HCRTR2: variants seen among roughly 807,000 people sequenced by gnomAD.
HCRTR2 encodes the protein orexin receptor type 2.
Under a neutral mutation model 49.0 loss-of-function variants are expected in HCRTR2, and 22 were observed. The ratio of observed to expected loss-of-function variants is 0.45; its 90% confidence interval spans 0.32 to 0.64. The LOEUF (loss-of-function observed/expected upper bound fraction) is 0.64. Ranked by LOEUF, HCRTR2 falls within the 30% of genes least tolerant of loss-of-function variation. The pLI, the probability that HCRTR2 is intolerant of heterozygous loss-of-function variation, is 0.04. For synonymous variants in HCRTR2, 236 were observed against 205.3 expected (o/e 1.15, Z -1.28); for missense variants, 491 against 559.4 (o/e 0.88, Z 1.23).
At chr6:55,178,478 ACCCTC>A (rs1765078131) in intron 1 of HCRTR2, among the ~76,000 whole-genome samples, 1 of 152,174 alleles carries the variant, frequency 6.6e-6, no homozygotes, top group Non-Finnish European at 1.5e-5. Context: ...ATGTACGTAT[ACCCTC>A]TATAAAGACA....
intron 1 of HCRTR2, among the ~76,000 whole-genome samples, chr6:55,129,713 T>A (rs1375299462): frequency 1.3e-5 from 2 of 152,050 alleles, no homozygotes; most frequent in Non-Finnish European, 2.9e-5. Context: ...GTTCTCCTGA[T>A]GCCAGTCTTG....
At chr6:55,138,044 T>G (rs954868463) in intron 1 of HCRTR2, among the ~76,000 whole-genome samples, 4 of 152,184 alleles carry the variant, frequency 2.6e-5, no homozygotes, top group African/African-American at 9.6e-5. Context: ...CTGCATTTAA[T>G]GTGCCAGCAG....
At chr6:55,238,039 C>T (rs9382469) in intron 1 of HCRTR2, among the ~76,000 whole-genome samples, 26,225 of 151,954 alleles carry the variant, frequency 0.17, 2,723 homozygotes, top group Non-Finnish European at 0.24. Context: ...GAAATTATAT[C>T]CCCTGGAGTA....
At chr6:55,172,208 T>A (rs1445725198), upstream of HCRTR2, among the ~76,000 whole-genome samples, 2 of 152,202 alleles carry the variant, frequency 1.3e-5, no homozygotes, top group Non-Finnish European at 2.9e-5. Context: ...GAAATTAATA[T>A]ATGCACATAT....
chr6:55,159,615 A>G (rs557630777), intron 1 of HCRTR2, among the ~76,000 whole-genome samples: 12 of 152,226 alleles, frequency 7.9e-5, no homozygotes, highest in Admixed American at 6.5e-4. Context: ...ATTGCTAACT[A>G]GAATAACCAG....
At chr6:55,125,467 T>G (rs1349616310) in intron 1 of HCRTR2, among the ~76,000 whole-genome samples, 3 of 152,228 alleles carry the variant, frequency 2.0e-5, no homozygotes, top group African/African-American at 7.2e-5. Context: ...TTGTAGGGTT[T>G]CTGCAGGGAG....
intron 1 of HCRTR2, among the ~76,000 whole-genome samples, chr6:55,195,467 A>G (rs984956419): frequency 6.6e-6 from 1 of 152,200 alleles, no homozygotes; most frequent in African/African-American, 2.4e-5. Context: ...ACAATCCTGA[A>G]CATCTTAACA....
At chr6:55,220,130 A>T (rs1036608431) in intron 1 of HCRTR2, among the ~76,000 whole-genome samples, 1 of 152,158 alleles carries the variant, frequency 6.6e-6, no homozygotes, top group Non-Finnish European at 1.5e-5. Flanking sequence ...AGAAAAAAAA[A>T]TGCCAATTCT....
In HCRTR2 at chr6:55,196,641, C is replaced by A. The variant is rs190401204; in HGVS notation, c.223+21831C>A. On this transcript the variant is annotated intron_variant, in intron 1 of 6. Coordinates refer to ENST00000370862, the MANE Select transcript of HCRTR2 (RefSeq NM_001384272.1). ...GTTTACATTCATCAGATTTGAATGG[C>A]TGTACTTCAAAGTACTGATTAAAAT... Among the ~76,000 whole-genome samples, 7 of 152,236 alleles carry A rather than the reference C, an allele frequency of 4.6e-5. No homozygotes were observed. In the East Asian group the frequency reaches 1.4e-3, roughly 29 times the overall value.
At chr6:55,189,343 G>C (rs546248509) in intron 1 of HCRTR2, among the ~76,000 whole-genome samples, 1 of 152,254 alleles carries the variant, frequency 6.6e-6, no homozygotes, top group South Asian at 2.1e-4. Context: ...CTTCAGGGCA[G>C]TTGTTGTGAG....
intron 3 of HCRTR2, among the ~76,000 whole-genome samples, chr6:55,260,956 G>A (rs890044954): frequency 1.3e-5 from 2 of 152,030 alleles, no homozygotes; most frequent in African/African-American, 4.8e-5. Context: ...AATACATAGA[G>A]GTAATAGCAT....
intron 4 of HCRTR2, 60 bp downstream of exon 4, chr6:55,263,882 A>G (rs1766815235): frequency 3.9e-6 from 4 of 1,021,722 alleles, no homozygotes; most frequent in African/African-American, 1.6e-5. Flanking sequence ...GTTATTTGTT[A>G]TTCCTTCCAA....
intron 1 of HCRTR2, among the ~76,000 whole-genome samples, chr6:55,122,574 C>G (rs1203763495): frequency 1.3e-5 from 2 of 152,064 alleles, no homozygotes; most frequent in Non-Finnish European, 2.9e-5. Flanking sequence ...AATTTTAGAT[C>G]TTTCCTGCTT....
At chr6:55,276,997 G>T (rs577247332) in intron 4 of HCRTR2, among the ~76,000 whole-genome samples, 1 of 152,088 alleles carries the variant, frequency 6.6e-6, no homozygotes, top group Non-Finnish European at 1.5e-5. Context: ...TACTTGCTGG[G>T]TTTTCCTCTG....
chr6:55,115,015 G>A (rs937944246), intron 1 of HCRTR2, among the ~76,000 whole-genome samples: 2 of 151,758 alleles, frequency 1.3e-5, no homozygotes, highest in South Asian at 4.1e-4. Flanking sequence ...GCAAGCTAAG[G>A]TTTTGGAACT....
chr6:55,159,741 A>T (rs9475181), intron 1 of HCRTR2, among the ~76,000 whole-genome samples: 1,764 of 152,310 alleles, frequency 0.012, 40 homozygotes, highest in African/African-American at 0.04. Flanking sequence ...AATATCAGAG[A>T]TTGAAGATCA....
intron 4 of HCRTR2, among the ~76,000 whole-genome samples, chr6:55,271,578 TA>T (rs35438374): frequency 2.0e-5 from 3 of 152,064 alleles, no homozygotes. Context: ...ACTGCACCAT[TA>T]AAAACGTTAA....
chr6:55,171,800 C>T (rs187214386), upstream of HCRTR2, among the ~76,000 whole-genome samples: 258 of 152,174 alleles, frequency 1.7e-3, 2 homozygotes, highest in African/African-American at 5.8e-3. Context: ...GGAAGATTTA[C>T]GAAGAGAAGA....
chr6:55,122,775 T>C (rs951204872), intron 1 of HCRTR2, among the ~76,000 whole-genome samples: 28 of 152,196 alleles, frequency 1.8e-4, no homozygotes, highest in Middle Eastern at 3.4e-3. Flanking sequence ...CACCATGGAA[T>C]ACTATGCAGC....
Sources: allele counts gnomAD v4.1 joint callset (sites outside exome capture counted in the v4.1 genomes callset), GRCh38; gene constraint gnomAD v4.1.1; transcripts MANE v1.5; gene names NCBI Gene and HGNC (gene_info 2026-07-23, HGNC 2026-07-21).